Variants in TBC1D5 observed in about 807,000 individuals in gnomAD.
The protein encoded by TBC1D5 is TBC1 domain family member 5.
A neutral mutation model predicts 100.3 loss-of-function variants in TBC1D5; 75 were observed. That is an observed-to-expected ratio of 0.75 (90% CI 0.62 to 0.91). The LOEUF is 0.91. Among genes scored for constraint, TBC1D5 ranks in the 40% least tolerant of loss-of-function variants. The probability of loss-of-function intolerance (pLI) is 0.00; values close to 1 mark genes in which losing one functional copy is unlikely to be tolerated. For missense variants in TBC1D5, 910 were observed against 942.4 expected, an observed-to-expected ratio of 0.97 and a Z score of 0.45; for synonymous variants, 323 against 325.6, an observed-to-expected ratio of 0.99 and a Z score of 0.09.
intron 1 of TBC1D5, among the ~76,000 whole-genome samples, chr3:17,709,218 G>A (rs1293672843): frequency 2.6e-5 from 4 of 152,162 alleles, no homozygotes; most frequent in African/African-American, 4.8e-5. Context: ...AAGAGATCAT[G>A]ACTTATCAAA....
chr3:17,649,221 C>T lies in TBC1D5; in HGVS notation c.-100-25308G>A, dbSNP rs540544365. Among the ~76,000 whole-genome samples, 24 of 152,234 alleles carry T rather than the reference C, an allele frequency of 1.6e-4. No homozygotes were observed. The East Asian group carries it at 2.5e-3, about 16-fold the overall frequency. ...GAGGCTATTATCCTTAGCAAATTAA[C>T]GCACAACAGAAAACCAAATACCCCA... On this transcript the variant is annotated intron_variant, in intron 1 of 21. Transcript: ENST00000253692.
intron 3 of TBC1D5, among the ~76,000 whole-genome samples, chr3:17,452,582 T>C (rs1302333573): frequency 6.6e-6 from 1 of 151,984 alleles, no homozygotes; most frequent in Non-Finnish European, 1.5e-5. Flanking sequence ...CATTATATAA[T>C]GAAAAAAGGG....
chr3:17,289,358 A>G (rs1353932021), intron 15 of TBC1D5, among the ~76,000 whole-genome samples: 1 of 151,734 alleles, frequency 6.6e-6, no homozygotes, highest in African/African-American at 2.4e-5. Flanking sequence ...CCTGGGTGGG[A>G]ATGTTGCCTT....
At chr3:17,506,699 G>T (rs2095848027) in intron 3 of TBC1D5, among the ~76,000 whole-genome samples, 2 of 151,754 alleles carry the variant, frequency 1.3e-5, no homozygotes. Flanking sequence ...AGCCTTTTTA[G>T]TAAAGGTAAC....
At chr3:17,338,711 G>A (rs1440533062) in intron 13 of TBC1D5, 2 of 152,106 alleles carry the variant, frequency 1.3e-5, no homozygotes, top group Non-Finnish European at 2.9e-5. Context: ...AATTCATTTT[G>A]GGAACACTAG....
intron 15 of TBC1D5, among the ~76,000 whole-genome samples, chr3:17,285,511 C>T (rs2081098326): frequency 6.6e-6 from 1 of 151,868 alleles, no homozygotes; most frequent in Admixed American, 6.6e-5. Context: ...CCGCCCGCCT[C>T]GGCCTCCCAA....
At chr3:17,226,961 A>G (rs562942107) in intron 17 of TBC1D5, among the ~76,000 whole-genome samples, 12 of 152,312 alleles carry the variant, frequency 7.9e-5, no homozygotes, top group African/African-American at 2.9e-4. Flanking sequence ...AATGAGCCCT[A>G]TGCAGAGTGA....
At chr3:17,367,273 T>TA (rs1183452323) in intron 13 of TBC1D5, among the ~76,000 whole-genome samples, 1 of 152,210 alleles carries the variant, frequency 6.6e-6, no homozygotes, top group Non-Finnish European at 1.5e-5. Context: ...TGCTCTAAGT[T>TA]AGAGTTTTTT....
chr3:17,553,510 G>T (rs556134895), intron 2 of TBC1D5, among the ~76,000 whole-genome samples: 10 of 152,252 alleles, frequency 6.6e-5, no homozygotes, highest in African/African-American at 2.4e-4. Flanking sequence ...AATTATTCCT[G>T]CAAGTCTAAC....
intron 18 of TBC1D5, among the ~76,000 whole-genome samples, chr3:17,203,478 A>G (rs1359179207): frequency 6.6e-6 from 1 of 152,154 alleles, no homozygotes; most frequent in Non-Finnish European, 1.5e-5. Context: ...TATCTTTTGC[A>G]ATATGAGAAG....
intron 4 of TBC1D5, among the ~76,000 whole-genome samples, chr3:17,410,999 A>T (rs974047550): frequency 6.6e-6 from 1 of 152,146 alleles, no homozygotes; most frequent in South Asian, 2.1e-4. Flanking sequence ...GCCAAACAGA[A>T]TCTCATGCTA....
At chr3:17,669,849 A>T (rs7644448) in intron 1 of TBC1D5, among the ~76,000 whole-genome samples, 1 of 152,148 alleles carries the variant, frequency 6.6e-6, no homozygotes, top group African/African-American at 2.4e-5. Flanking sequence ...TTCAAGGTAT[A>T]TATCTTTAAC....
At chr3:17,444,690 C>T (rs1473544996) in intron 3 of TBC1D5, among the ~76,000 whole-genome samples, 1 of 151,894 alleles carries the variant, frequency 6.6e-6, no homozygotes, top group African/African-American at 2.4e-5. Flanking sequence ...AATTATTGTA[C>T]AAAATTTTCA....
chr3:17,282,394 C>T (rs780934936), intron 15 of TBC1D5, among the ~76,000 whole-genome samples: 2 of 152,144 alleles, frequency 1.3e-5, no homozygotes, highest in Non-Finnish European at 2.9e-5. Flanking sequence ...TCCCCAATAA[C>T]CTAGATTTTC....
intron 14 of TBC1D5, among the ~76,000 whole-genome samples, chr3:17,303,660 C>T (rs1010762304): frequency 5.3e-5 from 8 of 152,110 alleles, no homozygotes; most frequent in Non-Finnish European, 1.2e-4. Flanking sequence ...CTTTCTCATG[C>T]TCTACCTCAC....
chr3:17,725,651 G>A (rs2153975020), intron 1 of TBC1D5, among the ~76,000 whole-genome samples: 1 of 152,276 alleles, frequency 6.6e-6, no homozygotes, highest in East Asian at 1.9e-4. Context: ...AAGAAAAGCA[G>A]TCTTTAATAC....
chr3:17,560,466 A>C (rs1231523364), intron 2 of TBC1D5, among the ~76,000 whole-genome samples: 1 of 152,098 alleles, frequency 6.6e-6, no homozygotes, highest in Non-Finnish European at 1.5e-5. Flanking sequence ...AAAAAATTGA[A>C]AAATTAGCCA....
intron 2 of TBC1D5, among the ~76,000 whole-genome samples, chr3:17,590,234 A>G (rs1354733321): frequency 1.3e-5 from 2 of 152,238 alleles, no homozygotes; most frequent in African/African-American, 4.8e-5. Context: ...GGGAATGTAC[A>G]TTAAGGGTGT....
At chr3:17,690,204 A>AT (rs1199260338) in intron 1 of TBC1D5, among the ~76,000 whole-genome samples, 5,836 of 46,968 alleles carry the variant, frequency 0.12, 1,875 homozygotes, top group Non-Finnish European at 0.17. Flanking sequence ...AAATAGCCAT[A>AT]TTTTTTTTTT....
Sources: gnomAD v4.1 joint callset for allele counts (sites outside exome capture counted in the v4.1 genomes callset) on GRCh38, gnomAD v4.1.1 for gene constraint, MANE v1.5 for transcripts, NCBI Gene and HGNC (gene_info 2026-07-23, HGNC 2026-07-21) for gene names.